Variants in PTK2 observed in about 807,000 individuals in gnomAD.
The protein encoded by PTK2 is protein tyrosine kinase 2.
In PTK2, 45 loss-of-function variants were observed where a neutral mutation model predicts 150.1. That is an observed-to-expected ratio of 0.30 (90% confidence interval 0.24 to 0.38). The LOEUF (loss-of-function observed/expected upper bound fraction) is 0.38, where lower values mean the gene tolerates loss of function less well. Among genes scored for constraint, PTK2 ranks in the 10% least tolerant of loss-of-function variants. PTK2 has a pLI of 1.00. For missense variants in PTK2, 919 were observed against 1,307.3 expected, an observed-to-expected ratio of 0.70 and a Z score of 4.58; for synonymous variants, 432 against 449.2, an observed-to-expected ratio of 0.96 and a Z score of 0.48.
intron 27 of PTK2, among the ~76,000 whole-genome samples, chr8:140,684,792 T>C (rs1375353706): frequency 6.6e-6 from 1 of 152,100 alleles, no homozygotes; most frequent in Non-Finnish European, 1.5e-5. Context: ...GCCCAAAGTA[T>C]GGTCGTACCG....
intron 24 of PTK2, among the ~76,000 whole-genome samples, chr8:140,703,785 C>T (rs1470881591): frequency 6.6e-6 from 1 of 152,174 alleles, no homozygotes; most frequent in Non-Finnish European, 1.5e-5. Flanking sequence ...GGTTTCTTTA[C>T]ATGGTTCCTT....
exon 32 of PTK2, chr8:140,659,367 G>T: frequency 9.5e-7 from 1 of 1,056,760 alleles, no homozygotes; most frequent in Non-Finnish European, 1.3e-6. Flanking sequence ...GGAGCTGTAA[G>T]TGCTGGCGAC....
chr8:140,708,165 A>C (rs1370311181), intron 23 of PTK2, among the ~76,000 whole-genome samples: 1 of 152,202 alleles, frequency 6.6e-6, no homozygotes, highest in Non-Finnish European at 1.5e-5. Flanking sequence ...AAAAGGAAAT[A>C]GATTTAAGTT....
intron 30 of PTK2, 70 bp from the exon 35 acceptor site, chr8:140,665,067 T>G (rs1458266020): frequency 1.4e-6 from 2 of 1,387,262 alleles, no homozygotes; most frequent in Non-Finnish European, 2.0e-6. Context: ...AGTTATATAT[T>G]TTTTTATTTC....
At chr8:140,782,643 GTTTT>G (rs548570015) in intron 14 of PTK2, among the ~76,000 whole-genome samples, 1 of 147,404 alleles carries the variant, frequency 6.8e-6, no homozygotes, top group Non-Finnish European at 1.5e-5. Context: ...TTAGGGCAAG[GTTTT>G]TTTTTTTCTT....
intron 22 of PTK2, chr8:140,732,575 G>T (rs756630316): frequency 5.7e-6 from 3 of 530,848 alleles, no homozygotes; most frequent in Non-Finnish European, 7.7e-6. Flanking sequence ...AGGTGAGTAT[G>T]ACCATCCCTG....
At chr8:140,942,266 C>T (rs1023955781) in intron 1 of PTK2, among the ~76,000 whole-genome samples, 5 of 152,154 alleles carry the variant, frequency 3.3e-5, no homozygotes, top group African/African-American at 1.2e-4. Flanking sequence ...AAAGATGGAG[C>T]TGAAGACTGC....
At chr8:140,799,453 T>C (rs532366598) in intron 12 of PTK2, among the ~76,000 whole-genome samples, 31 of 152,338 alleles carry the variant, frequency 2.0e-4, no homozygotes, top group Admixed American at 6.5e-4. Flanking sequence ...AGAAGGGGTA[T>C]TGGCAAAACC....
rs574115636 is a variant in PTK2, at chr8:140,972,974, T to C, written c.-122+28151A>G. The stretch of plus-strand genomic sequence containing the variant: ...TCCTGTTCTTTATTCAAATCCCTGA[T>C]AGAAATGTTAGAACAGATGTCAAGT... On this transcript the variant is annotated intron_variant, in intron 1 of 31. Transcript: ENST00000522684. 4.6e-5 allele frequency among the ~76,000 whole-genome samples: 7 copies of C among 152,372 alleles called. No homozygotes were observed. The East Asian group carries it at 5.8e-4, about 13-fold the overall frequency.
At chr8:140,736,533 A>AC (rs1309408243) in intron 21 of PTK2, among the ~76,000 whole-genome samples, 2 of 151,928 alleles carry the variant, frequency 1.3e-5, no homozygotes, top group African/African-American at 4.8e-5. Context: ...AATTCAAAAA[A>AC]AAAAAAAATT....
intron 11 of PTK2, 71 bp downstream of exon 11, chr8:140,803,472 A>G (rs1483714358): frequency 2.3e-6 from 3 of 1,290,292 alleles, no homozygotes; most frequent in Non-Finnish European, 3.4e-6. Context: ...CCTTTTCATA[A>G]AAAAGTCAAC....
chr8:140,684,759 G>A (rs1368817739), intron 27 of PTK2, among the ~76,000 whole-genome samples: 1 of 152,152 alleles, frequency 6.6e-6, no homozygotes, highest in Non-Finnish European at 1.5e-5. Context: ...AGGAAGAACT[G>A]ATATTGTTAT....
At chr8:140,726,245 G>A (rs952330070) in intron 22 of PTK2, among the ~76,000 whole-genome samples, 1 of 152,090 alleles carries the variant, frequency 6.6e-6, no homozygotes, top group Non-Finnish European at 1.5e-5. Flanking sequence ...AGGTGACAAC[G>A]AGAGCTTCTG....
chr8:140,951,896 TA>T (rs11389319), intron 1 of PTK2, among the ~76,000 whole-genome samples: 1 of 145,994 alleles, frequency 6.8e-6, no homozygotes, highest in African/African-American at 2.5e-5. Context: ...AAAGAAAAAT[TA>T]AAAAAAAAAA....
intron 2 of PTK2, among the ~76,000 whole-genome samples, chr8:140,913,815 A>G (rs2100164153): frequency 6.6e-6 from 1 of 152,228 alleles, no homozygotes; most frequent in Non-Finnish European, 1.5e-5. Flanking sequence ...TTAAAAAAGG[A>G]AAATATATTA....
At chr8:140,789,206 T>C (rs1021485743) in intron 14 of PTK2, among the ~76,000 whole-genome samples, 1 of 151,274 alleles carries the variant, frequency 6.6e-6, no homozygotes, top group Non-Finnish European at 1.5e-5. Flanking sequence ...ATTAACATGA[T>C]ATTAAAACCC....
intron 16 of PTK2, among the ~76,000 whole-genome samples, chr8:140,756,100 G>A (rs2100065522): frequency 6.6e-6 from 1 of 152,006 alleles, no homozygotes; most frequent in African/African-American, 2.4e-5. Flanking sequence ...CGGGGCAGGT[G>A]GGTCCCTGGA....
chr8:140,996,766 T>C (rs2100197946), intron 1 of PTK2, among the ~76,000 whole-genome samples: 2 of 152,244 alleles, frequency 1.3e-5, no homozygotes, highest in South Asian at 4.1e-4. Context: ...AATATTACTG[T>C]TCATTGGCCA....
chr8:140,870,584 G>T (rs958042766), intron 4 of PTK2, among the ~76,000 whole-genome samples: 1 of 152,140 alleles, frequency 6.6e-6, no homozygotes, highest in Non-Finnish European at 1.5e-5. Context: ...AATGGACACA[G>T]ATGTCACGGA....
Sources: allele counts gnomAD v4.1 joint callset (sites outside exome capture counted in the v4.1 genomes callset), GRCh38; gene constraint gnomAD v4.1.1; transcripts MANE v1.5; gene names NCBI Gene and HGNC (gene_info 2026-07-23, HGNC 2026-07-21).